NSUN6: variants seen among roughly 807,000 people sequenced by gnomAD.
NSUN6 encodes NOP2/Sun RNA methyltransferase 6.
NSUN6 carries 64 observed loss-of-function variants against 58.0 expected under a neutral mutation model. The observed-to-expected ratio is 1.10, with a 90% CI of 0.90 to 1.36. The LOEUF is 1.36. Ranked by LOEUF, NSUN6 falls within the 40% of genes most tolerant of loss-of-function variation. NSUN6 has a pLI of 0.00. For missense variants in NSUN6, 701 were observed against 550.1 expected, an observed-to-expected ratio of 1.27 and a Z score of -2.74; for synonymous variants, 231 against 193.9, an observed-to-expected ratio of 1.19 and a Z score of -1.59.
intron 5 of NSUN6, among the ~76,000 whole-genome samples, chr10:18,610,822 C>T (rs964807645): frequency 1.3e-5 from 2 of 151,958 alleles, no homozygotes; most frequent in Non-Finnish European, 2.9e-5. Flanking sequence ...ACAAAGCAAG[C>T]GAAAGGAGAA....
intron 8 of NSUN6, among the ~76,000 whole-genome samples, chr10:18,555,920 T>C (rs554686175): frequency 5.4e-5 from 8 of 147,852 alleles, no homozygotes; most frequent in Non-Finnish European, 1.2e-4. Flanking sequence ...TGGAATGGAA[T>C]GGAATGGAAT....
At chr10:18,606,708 A>T (rs975184393) in intron 6 of NSUN6, among the ~76,000 whole-genome samples, 1 of 152,222 alleles carries the variant, frequency 6.6e-6, no homozygotes, top group African/African-American at 2.4e-5. Flanking sequence ...GTAATTCTGA[A>T]ATTATTCTTA....
rs577137226 is a variant in NSUN6, at chr10:18,651,433, T to C, written c.-230A>G. The C allele has an allele frequency of 3.3e-5, 41 of 1,225,574 alleles. No individual in the cohort carries two copies. The East Asian group carries it at 1.4e-3, about 42-fold the overall frequency. The allele number at this position is 1,225,574 out of a possible 1,614,324, so 75.9% of individuals were successfully genotyped here. A position where few individuals can be genotyped will look rare whatever the true frequency, so the allele number is the denominator to read the frequency against. ...CACACCTCATCGAGGCAATGTTTTC[T>C]GGTAGAGATGCTCATGGAAATCACT... is the stretch of plus-strand genomic sequence containing the variant. On this transcript the variant is annotated 5_prime_UTR_variant, in exon 1 of 11. Transcript: ENST00000377304.
At chr10:18,609,741 T>G in intron 6 of NSUN6, 104 bp downstream of exon 6, 2 of 684,766 alleles carry the variant, frequency 2.9e-6, no homozygotes, top group Non-Finnish European at 5.2e-6. Context: ...TGTATGTAAG[T>G]AGACCACAGA....
At chr10:18,572,157 C>T (rs2056402075) in intron 8 of NSUN6, among the ~76,000 whole-genome samples, 1 of 151,040 alleles carries the variant, frequency 6.6e-6, no homozygotes, top group Admixed American at 6.6e-5. Flanking sequence ...CATTCCACTC[C>T]ACATTCCCTT....
chr10:18,567,161 T>C (rs569011175), intron 8 of NSUN6, among the ~76,000 whole-genome samples: 28 of 150,264 alleles, frequency 1.9e-4, no homozygotes, highest in African/African-American at 6.6e-4. Flanking sequence ...ACATCCTCCA[T>C]TACATTTCAT....
At chr10:18,589,356 T>C (rs1051960469) in intron 7 of NSUN6, among the ~76,000 whole-genome samples, 8 of 152,114 alleles carry the variant, frequency 5.3e-5, no homozygotes, top group African/African-American at 1.9e-4. Context: ...TAGGATATCA[T>C]CCAGAAGAAC....
intron 5 of NSUN6, 97 bp downstream of exon 5, chr10:18,614,363 A>AAAT: frequency 1.4e-6 from 1 of 735,356 alleles, no homozygotes; most frequent in Non-Finnish European, 2.0e-6. Context: ...AAAAAAAAAA[A>AAAT]TTTCATATAA....
chr10:18,567,370 CCATTT>C (rs2056034935), intron 8 of NSUN6, among the ~76,000 whole-genome samples: 2 of 143,310 alleles, frequency 1.4e-5, no homozygotes, highest in African/African-American at 5.9e-5. Context: ...ATTCCATATT[CCATTT>C]TCCATTCCAT....
intron 3 of NSUN6, among the ~76,000 whole-genome samples, chr10:18,634,525 G>A (rs1025950270): frequency 1.5e-4 from 23 of 151,812 alleles, no homozygotes; most frequent in African/African-American, 5.6e-4. Flanking sequence ...GCTGAGGAGG[G>A]TGGATCACAA....
At chr10:18,565,024 C>T (rs1248028561) in intron 8 of NSUN6, among the ~76,000 whole-genome samples, 1 of 150,458 alleles carries the variant, frequency 6.6e-6, no homozygotes, top group Non-Finnish European at 1.5e-5. Flanking sequence ...CCATTCCATT[C>T]CCCACTCCAT....
chr10:18,598,351 C>T (rs145521739), intron 6 of NSUN6, among the ~76,000 whole-genome samples: 3,079 of 152,346 alleles, frequency 0.02, 109 homozygotes, highest in African/African-American at 0.071. Context: ...GCTGCTCACA[C>T]AAAGCCTGTT....
At position 18,602,661 on chromosome 10, in the gene NSUN6, C is replaced by T. The variant is rs529717945; in HGVS notation, c.658-6334G>A. Among the ~76,000 whole-genome samples the T allele has an allele frequency of 5.3e-5, 8 of 152,230 alleles. No individual in the cohort carries two copies. In the South Asian group the frequency reaches 8.3e-4, roughly 16 times the overall value. ...CTGGGATTACAGGTATGAGCCACCG[C>T]GCCCAGCCTATGGTGGGTTTTGCAT... On this transcript the variant is annotated intron_variant, in intron 6 of 10. Coordinates refer to ENST00000377304, the MANE Select transcript of NSUN6 (RefSeq NM_182543.5).
At chr10:18,601,559 T>C (rs1404563294) in intron 6 of NSUN6, among the ~76,000 whole-genome samples, 4 of 151,580 alleles carry the variant, frequency 2.6e-5, no homozygotes, top group African/African-American at 4.8e-5. Context: ...TGAGCAGAAC[T>C]AGGAGCAGGA....
rs116995400 is a variant in NSUN6, at chr10:18,588,524, G to C, written c.778-2431C>G. 2.0e-3 allele frequency among the ~76,000 whole-genome samples: 305 copies of C among 152,312 alleles called. 4 individuals carry two copies. In the South Asian group the frequency reaches 0.033, roughly 17 times the overall value. On this transcript the variant is annotated intron_variant, in intron 7 of 10. Transcript: ENST00000377304. ...AGGGGTCGACAGACACCTCATGCAG[G>C]AGAGTTCCAGCTAGCATCGGGCCAG...
Position 18,604,747 on chromosome 10 carries a change from G to T in NSUN6, c.657+5098C>A, listed in dbSNP as rs149650512. 3.9e-3 allele frequency among the ~76,000 whole-genome samples: 589 copies of T among 151,978 alleles called. 8 individuals are homozygous for T. The highest frequency in any genetic ancestry group is 0.014 in the African/African-American group (565 of 41,482). On this transcript the variant is annotated intron_variant, in intron 6 of 10. Coordinates refer to ENST00000377304, the MANE Select transcript of NSUN6 (RefSeq NM_182543.5). Reference sequence around the variant, plus strand: ...CTAAAAATACAAAAATTAACTGGGTGTAGTGACGCATGCCTGTAGCTCCAG... The same window carrying T: ...CTAAAAATACAAAAATTAACTGGGTTTAGTGACGCATGCCTGTAGCTCCAG...
At chr10:18,556,819 G>A (rs1392045117) in intron 8 of NSUN6, among the ~76,000 whole-genome samples, 4 of 150,488 alleles carry the variant, frequency 2.7e-5, no homozygotes, top group African/African-American at 7.3e-5. Context: ...GAAATGGAGA[G>A]TGGAATGCAA....
At chr10:18,642,324 A>G in intron 3 of NSUN6, 152 bp downstream of exon 3, 1 of 551,004 alleles carries the variant, frequency 1.8e-6, no homozygotes, top group East Asian at 3.0e-5. Flanking sequence ...GACAGAGTCT[A>G]AAGTCTGCAT....
At chr10:18,616,334 T>C (rs764061302) in intron 3 of NSUN6, 41 bp from the exon 4 acceptor site, 2 of 1,195,042 alleles carry the variant, frequency 1.7e-6, no homozygotes, top group Non-Finnish European at 2.5e-6. Flanking sequence ...GTAACATACC[T>C]CCAATGCCTA....
Sources: gnomAD v4.1 joint callset for allele counts (sites outside exome capture counted in the v4.1 genomes callset) on GRCh38, gnomAD v4.1.1 for gene constraint, MANE v1.5 for transcripts, NCBI Gene and HGNC (gene_info 2026-07-23, HGNC 2026-07-21) for gene names.